The following UBE2H variants were observed in gnomAD, a reference collection of about 807,000 sequenced individuals.
The protein encoded by UBE2H is ubiquitin-conjugating enzyme E2 H.
In UBE2H, 3 loss-of-function variants were observed where a neutral mutation model predicts 29.0. That is an observed-to-expected ratio of 0.10 (90% CI 0.05 to 0.27). UBE2H has a LOEUF of 0.27. Ranked by LOEUF, UBE2H falls within the 10% of genes least tolerant of loss-of-function variation. UBE2H has a pLI of 1.00. For synonymous variants in UBE2H, 69 were observed against 82.9 expected, an observed-to-expected ratio of 0.83 and a Z score of 0.91; for missense variants, 68 against 228.2, an observed-to-expected ratio of 0.30 and a Z score of 4.52.
intron 3 of UBE2H, among the ~76,000 whole-genome samples, chr7:129,859,659 G>T (rs559926347): frequency 3.1e-4 from 47 of 152,278 alleles, no homozygotes; most frequent in African/African-American, 1.1e-3. Context: ...TGAACTTCAA[G>T]GAGAAATTAA....
intron 5 of UBE2H, among the ~76,000 whole-genome samples, chr7:129,852,575 G>C (rs993819819): frequency 3.9e-5 from 6 of 152,170 alleles, no homozygotes; most frequent in African/African-American, 1.4e-4. Context: ...GATAACTCTA[G>C]GGGAAGACTT....
chr7:129,877,174 T>A (rs541823416), intron 3 of UBE2H, among the ~76,000 whole-genome samples: 5 of 152,162 alleles, frequency 3.3e-5, no homozygotes, highest in Admixed American at 6.5e-5. Flanking sequence ...ACAAAGTACA[T>A]AGACACTGCA....
chr7:129,905,050 A>T (rs1407550210), intron 1 of UBE2H, among the ~76,000 whole-genome samples: 1 of 152,152 alleles, frequency 6.6e-6, no homozygotes, highest in East Asian at 1.9e-4. Flanking sequence ...ATCAACACAC[A>T]ATGACTGAGG....
chr7:129,854,068 T>TTTTTTTTTTATTTTTTTTTTTA (rs1554430951), intron 5 of UBE2H, among the ~76,000 whole-genome samples: 1 of 148,706 alleles, frequency 6.7e-6, no homozygotes, highest in Non-Finnish European at 1.5e-5. Context: ...TAGTTTTTTT[T>TTTTTTTTTTATTTTTTTTTTTA]TTTTTTTTTT....
chr7:129,893,130 T>TACGAA (rs916757431), intron 1 of UBE2H, among the ~76,000 whole-genome samples: 1 of 152,190 alleles, frequency 6.6e-6, no homozygotes, highest in Non-Finnish European at 1.5e-5. Context: ...AGTCAACTGG[T>TACGAA]ACGAGTAAGG....
chr7:129,933,230 G>A (rs186816834), intron 1 of UBE2H, among the ~76,000 whole-genome samples: 2 of 152,192 alleles, frequency 1.3e-5, no homozygotes, highest in East Asian at 3.9e-4. Context: ...CAGAATACAG[G>A]TGAAAGGTAA....
At chr7:129,929,664 T>C (rs1250686603) in intron 1 of UBE2H, among the ~76,000 whole-genome samples, 1 of 152,236 alleles carries the variant, frequency 6.6e-6, no homozygotes, top group Non-Finnish European at 1.5e-5. Flanking sequence ...CTTAGCTAAA[T>C]GTGTATTTAC....
At chr7:129,854,061 T>G (rs201949632) in intron 5 of UBE2H, among the ~76,000 whole-genome samples, 141 of 56,184 alleles carry the variant, frequency 2.5e-3, no homozygotes, top group Non-Finnish European at 2.7e-3. Context: ...TTAGTGTTAG[T>G]TTTTTTTTTT....
At chr7:129,933,013 T>C (rs1012482660) in intron 1 of UBE2H, among the ~76,000 whole-genome samples, 1 of 152,140 alleles carries the variant, frequency 6.6e-6, no homozygotes, top group Non-Finnish European at 1.5e-5. Context: ...ACCAAGCACA[T>C]GTCCACAAAC....
intron 5 of UBE2H, among the ~76,000 whole-genome samples, chr7:129,855,566 C>A (rs1419246196): frequency 6.6e-6 from 1 of 152,174 alleles, no homozygotes; most frequent in Non-Finnish European, 1.5e-5. Context: ...CTCATTAAGA[C>A]AACAAATAGT....
chr7:129,835,995 A>G (rs1157050260), intron 6 of UBE2H, among the ~76,000 whole-genome samples: 1 of 152,134 alleles, frequency 6.6e-6, no homozygotes, highest in Non-Finnish European at 1.5e-5. Context: ...AAACTGTCTT[A>G]AAAAATAATA....
intron 1 of UBE2H, among the ~76,000 whole-genome samples, chr7:129,913,854 G>C (rs77201341): frequency 2.0e-5 from 3 of 152,096 alleles, no homozygotes; most frequent in Admixed American, 6.6e-5. Context: ...AGTAGGGAGC[G>C]GGTGACAGAA....
intron 6 of UBE2H, among the ~76,000 whole-genome samples, chr7:129,836,195 C>T (rs1257047482): frequency 1.3e-5 from 2 of 152,190 alleles, no homozygotes; most frequent in South Asian, 2.1e-4. Context: ...CAAACTTTAA[C>T]AATTTTATTT....
chr7:129,842,309 T>G (rs1026419717), intron 5 of UBE2H, among the ~76,000 whole-genome samples: 1 of 152,188 alleles, frequency 6.6e-6, no homozygotes, highest in African/African-American at 2.4e-5. Flanking sequence ...GGCGCGTGCC[T>G]GTAGTCCCAG....
chr7:129,851,523 G>A (rs999889791), intron 5 of UBE2H, among the ~76,000 whole-genome samples: 3 of 152,178 alleles, frequency 2.0e-5, no homozygotes, highest in Admixed American at 6.5e-5. Context: ...GTGTCCATAC[G>A]CTGGGAAGAC....
At chr7:129,934,989 A>G (rs925211312) in intron 1 of UBE2H, among the ~76,000 whole-genome samples, 1 of 151,218 alleles carries the variant, frequency 6.6e-6, no homozygotes, top group African/African-American at 2.4e-5. Context: ...GTGTGTATAT[A>G]TATGTGTGTG....
intron 3 of UBE2H, among the ~76,000 whole-genome samples, chr7:129,859,500 T>C (rs1407227999): frequency 2.6e-5 from 4 of 152,176 alleles, no homozygotes; most frequent in Admixed American, 6.5e-5. Flanking sequence ...AGTCTACTCA[T>C]TCAGGGAAAC....
At position 129,926,266 on chromosome 7, in the gene UBE2H, T is replaced by A. The variant is rs562841989; in HGVS notation, c.53+26237A>T. On this transcript the variant is annotated intron_variant, in intron 1 of 6. Transcript: ENST00000355621. Reference sequence around the variant, plus strand: ...GGCTCATGCCTGTAATCCCAGCACTTTGGGAGGCTGAGGTGGGTGGATCAC... The same window carrying A: ...GGCTCATGCCTGTAATCCCAGCACTATGGGAGGCTGAGGTGGGTGGATCAC... Among the ~76,000 whole-genome samples, 7 of 152,072 alleles carry A rather than the reference T, an allele frequency of 4.6e-5. No homozygotes were observed. The East Asian group carries it at 1.2e-3, about 26-fold the overall frequency.
intron 1 of UBE2H, among the ~76,000 whole-genome samples, chr7:129,942,236 A>T (rs1179362613): frequency 6.8e-6 from 1 of 147,946 alleles, no homozygotes; most frequent in Non-Finnish European, 1.5e-5. Context: ...AAAAAAAAAA[A>T]GCTTCAAAAA....
Sources: gnomAD v4.1 joint callset for allele counts (sites outside exome capture counted in the v4.1 genomes callset) on GRCh38, gnomAD v4.1.1 for gene constraint, MANE v1.5 for transcripts, NCBI Gene and HGNC (gene_info 2026-07-23, HGNC 2026-07-21) for gene names.